Variants in TESK1 observed in about 807,000 individuals in gnomAD.
The protein encoded by TESK1 is dual specificity testis-specific protein kinase 1.
Under a neutral mutation model 59.9 loss-of-function variants are expected in TESK1, and 18 were observed. That is an observed-to-expected ratio of 0.30 (90% CI 0.21 to 0.45). The LOEUF is 0.45. TESK1 is among the 20% of genes least tolerant of loss of function. The pLI is 1.00. For synonymous variants in TESK1, 341 were observed against 357.4 expected, an observed-to-expected ratio of 0.95 and a Z score of 0.52; for missense variants, 748 against 840.9, an observed-to-expected ratio of 0.89 and a Z score of 1.37.
At chr9:35,608,558 T>G (rs1404979580) in intron 9 of TESK1, 49 bp downstream of exon 9, 1 of 1,539,940 alleles carries the variant, frequency 6.5e-7, no homozygotes, top group East Asian at 2.3e-5. Context: ...GCCTTTGTCC[T>G]CCCTAGAATT....
Position 35,606,887 on chromosome 9 carries a change from G to A in TESK1, c.441G>A (p.Leu147=), listed in dbSNP as rs2275422. 741,283 of 1,612,898 alleles carry A rather than the reference G, an allele frequency of 0.46. 171,098 individuals are homozygous for A. The highest frequency in any genetic ancestry group is 0.52 in the Admixed American group (31,407 of 59,876). The change falls in exon 4 of 10, where the codon CTG becomes CTA. Residue 147 remains leucine (L), a synonymous_variant. Coordinates refer to ENST00000336395, the MANE Select transcript of TESK1 (RefSeq NM_006285.3). ...AGCTGCTCAGCTCCCCTGAACCCCT[G>A]TCCTGGCCGGTCAGGCTCCACCTGG... The part of the protein sequence containing the change: ...LEQLLSSPEP[L]SWPVRLHLAL...
rs757669532 is a variant in TESK1, at chr9:35,606,820, C to G, written c.391-17C>G. On this transcript the variant is annotated splice_polypyrimidine_tract_variant and intron_variant, in intron 3 of 9. Coordinates refer to ENST00000336395, the MANE Select transcript of TESK1 (RefSeq NM_006285.3). The stretch of plus-strand genomic sequence containing the variant: ...CTGAAGTCTGACATCTATTCCCATT[C>G]TCCTCCTATGCACCAGTATATGAAT... 1.3e-6 allele frequency: 2 copies of G among 1,584,806 alleles called. No homozygotes were observed. Among genetic ancestry groups the G allele is most frequent in the African/African-American group, 2.7e-5 (2 of 73,730 alleles).
chr9:35,608,972 TG>T lies in TESK1; in HGVS notation c.1117del (p.Asp373ThrfsTer3). 1 of 1,614,088 alleles carries T rather than the reference TG, an allele frequency of 6.2e-7. No homozygotes were observed. Among genetic ancestry groups the T allele is most frequent in the Non-Finnish European group, 8.5e-7 (1 of 1,180,014 alleles). On this transcript the variant is annotated frameshift_variant, in exon 10 of 10. Coordinates refer to ENST00000336395, the MANE Select transcript of TESK1 (RefSeq NM_006285.3). LOFTEE classifies it high-confidence loss of function. ...CCCATCACCAGAATCACCCCCCAAC[TG>T]GGGGGACAATCTGACTCGAGTCAAC... is the stretch of plus-strand genomic sequence containing the variant. ...LPPSPESPPN[W>X]GDNLTRVNPF...
intron 3 of TESK1, 63 bp from the exon 4 acceptor site, chr9:35,606,774 G>C: frequency 6.7e-7 from 1 of 1,502,630 alleles, no homozygotes; most frequent in South Asian, 1.3e-5. Flanking sequence ...TAGCGTGTAA[G>C]TGGGGGACCT....
chr9:35,608,590 T>C, intron 9 of TESK1, 81 bp downstream of exon 9: 1 of 1,283,684 alleles, frequency 7.8e-7, no homozygotes. Context: ...TGGGGGAGGC[T>C]AAGTATATTT....
chr9:35,605,672 TGCCGGGGGAGGGGCCCCCGGG>T lies in TESK1; in HGVS notation c.62_82del (p.Glu21_Gly27del), dbSNP rs913253139. On this transcript the variant is annotated inframe_deletion, in exon 1 of 10. Coordinates refer to ENST00000336395, the MANE Select transcript of TESK1 (RefSeq NM_006285.3). ...GGCCCTGGGCCCGGGCCTGGAGAGG[TGCCGGGGGAGGGGCCCCCGGG>T]GCCGGGGGGCACGGGCGGAGGCCCG... 8 of 1,416,948 alleles carry T rather than the reference TGCCGGGGGAGGGGCCCCCGGG, an allele frequency of 5.6e-6. No homozygotes were observed. Among genetic ancestry groups the T allele is most frequent in the Admixed American group, 3.0e-5 (1 of 33,116 alleles). 87.8% of individuals were successfully genotyped at this position (1,416,948 alleles called of 1,614,324 possible).
rs768025379 is a variant in TESK1, at chr9:35,607,693, A to G, written c.711+21A>G. On this transcript the variant is annotated intron_variant, in intron 6 of 9. Transcript: ENST00000336395. This position sits in a 1 kb window ranked among gnomAD's most constrained non-coding sequence, Gnocchi z 4.5. ...AGAAGGTGAGACATCAACCCTTCAG[A>G]TCCCCAAGGCCTTCCGAGACCCTTG... The G allele has an allele frequency of 6.3e-7, 1 of 1,596,640 alleles. No individual in the cohort carries two copies. The highest frequency in any genetic ancestry group is 8.6e-7 in the Non-Finnish European group (1 of 1,164,414).
At position 35,605,735 on chromosome 9, in the gene TESK1, C is replaced by A; in HGVS notation, c.116C>A (p.Ser39Tyr). Residue 39 changes from serine (S) to tyrosine (Y), a missense_variant, in exon 1 of 10, where the codon TCC becomes TAC. Transcript: ENST00000336395. ...TGGGPGRGRP[S>Y]SYRALRSAVS... ...GGAGGCCCGGGCCGGGGCCGCCCCT[C>A]CTCCTACCGGGCTCTCCGCAGCGCC... 1 of 1,593,260 alleles carries A rather than the reference C, an allele frequency of 6.3e-7. No homozygotes were observed.
At chr9:35,606,196 CT>C (rs1180672612) in intron 2 of TESK1, 40 bp from the exon 3 acceptor site, 1 of 1,614,148 alleles carries the variant, frequency 6.2e-7, no homozygotes, top group African/African-American at 1.3e-5. Flanking sequence ...GAGCTGAGGC[CT>C]TTAATAGCCT....
chr9:35,605,280 G>C lies in TESK1; in HGVS notation c.-340G>C, dbSNP rs1822813832. 1 of 149,194 alleles carries C rather than the reference G, an allele frequency of 6.7e-6. No homozygotes were observed. Among genetic ancestry groups the C allele is most frequent in the Non-Finnish European group, 1.5e-5 (1 of 66,276 alleles). The allele number at this position is 149,194 out of a possible 1,614,324, so 9.2% of individuals were successfully genotyped here. ...AGGCCGCGGAGCCTGATCCCCGGCGGCTAAGCGGAGCAGCCGCCGCCCGCC... is the reference window on the plus strand; with the variant it reads ...AGGCCGCGGAGCCTGATCCCCGGCGCCTAAGCGGAGCAGCCGCCGCCCGCC... On this transcript the variant is annotated 5_prime_UTR_variant, in exon 1 of 10. Coordinates refer to ENST00000336395, the MANE Select transcript of TESK1 (RefSeq NM_006285.3).
chr9:35,607,150 A>C lies in TESK1; in HGVS notation c.537+167A>C, dbSNP rs1822866388. 1.7e-5 allele frequency: 21 copies of C among 1,236,000 alleles called. 1 individual carries two copies. The South Asian group carries it at 3.0e-4, about 18-fold the overall frequency. 76.6% of individuals were successfully genotyped at this position (1,236,000 alleles called of 1,614,324 possible). On this transcript the variant is annotated intron_variant, in intron 4 of 9. Coordinates refer to ENST00000336395, the MANE Select transcript of TESK1 (RefSeq NM_006285.3). The surrounding 1 kb of genome is among the most constrained non-coding windows in gnomAD (Gnocchi z 4.5). ...GTGAGGGGAGTGCTCGGAGGGACTG[A>C]GTAGCACCCTGTGTTTGGAGTGTTG...
In TESK1 at chr9:35,605,614, C is replaced by G; in HGVS notation, c.-6C>G. The G allele has an allele frequency of 8.9e-7, 1 of 1,121,116 alleles. No individual in the cohort carries two copies. The highest frequency in any genetic ancestry group is 1.1e-6 in the Non-Finnish European group (1 of 899,400). 69.4% of individuals were successfully genotyped at this position (1,121,116 alleles called of 1,614,324 possible). ...TGTGAGGCAGGCCCGGGCTGGGGGC[C>G]CGGCCATGGCCGGGGAACGGCCCCC... is the stretch of plus-strand genomic sequence containing the variant. On this transcript the variant is annotated 5_prime_UTR_variant, in exon 1 of 10. Coordinates refer to ENST00000336395, the MANE Select transcript of TESK1 (RefSeq NM_006285.3).
chr9:35,605,607 T>G lies in TESK1; in HGVS notation c.-13T>G. On this transcript the variant is annotated 5_prime_UTR_variant, in exon 1 of 10. Coordinates refer to ENST00000336395, the MANE Select transcript of TESK1 (RefSeq NM_006285.3). ...CCTGCCATGTGAGGCAGGCCCGGGC[T>G]GGGGGCCCGGCCATGGCCGGGGAAC... The G allele has an allele frequency of 9.6e-7, 1 of 1,036,576 alleles. No individual in the cohort carries two copies. The highest frequency in any genetic ancestry group is 1.7e-5 in the African/African-American group (1 of 58,564). 64.2% of individuals were successfully genotyped at this position (1,036,576 alleles called of 1,614,324 possible).
rs1379638247 is a variant in TESK1, at chr9:35,607,300, T to C, written c.538-27T>C. 1.2e-6 allele frequency: 2 copies of C among 1,613,482 alleles called. No individual in the cohort carries two copies. Among genetic ancestry groups the C allele is most frequent in the South Asian group, 2.2e-5 (2 of 91,074 alleles). The stretch of plus-strand genomic sequence containing the variant: ...CAGACAGCAGAAGGTGATGAGTGCG[T>C]GGGGATACTATGTGTGTGTGTGTCA... On this transcript the variant is annotated intron_variant, in intron 4 of 9. Coordinates refer to ENST00000336395, the MANE Select transcript of TESK1 (RefSeq NM_006285.3). This position sits in a 1 kb window ranked among gnomAD's most constrained non-coding sequence, Gnocchi z 4.5.
Position 35,609,670 on chromosome 9 carries a change from TCTC to T in TESK1, c.1813_1815del (p.Leu605del). ...GCAACCTGAACTGTGAGGCGGGCAG[TCTC>T]CTCTGCCACCGAGGGCACCACGCCA... On this transcript the variant is annotated inframe_deletion, in exon 10 of 10. Coordinates refer to ENST00000336395, the MANE Select transcript of TESK1 (RefSeq NM_006285.3). The surrounding 1 kb of genome is among the most constrained non-coding windows in gnomAD (Gnocchi z 6.7). The T allele has an allele frequency of 1.2e-6, 2 of 1,604,002 alleles. No homozygotes were observed. Among genetic ancestry groups the T allele is most frequent in the Non-Finnish European group, 8.5e-7 (1 of 1,179,896 alleles).
Position 35,607,026 on chromosome 9 carries a change from GC to G in TESK1, c.537+44del. ...GTGGAGACATGAAAGAGGGTTTGAG[GC>G]TATTAGGTTGTAACTGGCCTGTGGA... is the stretch of plus-strand genomic sequence containing the variant. On this transcript the variant is annotated intron_variant, in intron 4 of 9. Transcript: ENST00000336395. The surrounding 1 kb of genome is among the most constrained non-coding windows in gnomAD (Gnocchi z 4.5). 6.6e-7 allele frequency: 1 copy of G among 1,525,944 alleles called. No individual in the cohort carries two copies. Among genetic ancestry groups the G allele is most frequent in the South Asian group, 1.2e-5 (1 of 80,234 alleles). 94.5% of individuals were successfully genotyped at this position (1,525,944 alleles called of 1,614,324 possible).
Position 35,609,975 on chromosome 9 carries a change from C to T in TESK1, c.*233C>T, listed in dbSNP as rs374955583. 1,016 of 492,074 alleles carry T rather than the reference C, an allele frequency of 2.1e-3. 3 individuals are homozygous for T. Among genetic ancestry groups the T allele is most frequent in the Admixed American group, 2.5e-3 (66 of 26,170 alleles). The allele number at this position is 492,074 out of a possible 1,614,324, so 30.5% of individuals were successfully genotyped here. ...GCATTGCTGACACATGAGACTAACA[C>T]GTGCAATTATTTAAAAAGATTTCAA... On this transcript the variant is annotated 3_prime_UTR_variant, in exon 10 of 10. Transcript: ENST00000336395. The surrounding 1 kb of genome is among the most constrained non-coding windows in gnomAD (Gnocchi z 6.7).
At chr9:35,608,338 A>G in intron 8 of TESK1, 57 bp from the exon 9 acceptor site, 1 of 1,609,980 alleles carries the variant, frequency 6.2e-7, no homozygotes, top group Non-Finnish European at 8.5e-7. Flanking sequence ...ATGGGAGGAA[A>G]CTCAGAGACC....
At chr9:35,608,745 C>T in intron 9 of TESK1, 117 bp from the exon 10 acceptor site, 1 of 1,255,356 alleles carries the variant, frequency 8.0e-7, no homozygotes, top group South Asian at 1.4e-5. Context: ...TCCAAAGCAC[C>T]AGGTGGGACT....
Sources: allele counts gnomAD v4.1 joint callset, GRCh38; gene constraint gnomAD v4.1.1; non-coding constraint Gnocchi (gnomAD v3.1); transcripts MANE v1.5; gene names NCBI Gene and HGNC (gene_info 2026-07-23, HGNC 2026-07-21).